Variants in FUT8 observed in about 807,000 individuals in gnomAD.
FUT8 encodes alpha-(1,6)-fucosyltransferase.
A neutral mutation model predicts 71.3 loss-of-function variants in FUT8; 29 were observed. That is an observed-to-expected ratio of 0.41 (90% CI 0.30 to 0.55). The LOEUF (loss-of-function observed/expected upper bound fraction) is 0.55. Among genes scored for constraint, FUT8 ranks in the 20% least tolerant of loss-of-function variants. The pLI is 0.34. For synonymous variants in FUT8, 254 were observed against 239.3 expected, an observed-to-expected ratio of 1.06 and a Z score of -0.57; for missense variants, 544 against 702.1, an observed-to-expected ratio of 0.77 and a Z score of 2.55.
At chr14:65,476,637 ATTTTTTTTTTTTTTTTT>A (rs200882761) in intron 2 of FUT8, among the ~76,000 whole-genome samples, 29 of 125,150 alleles carry the variant, frequency 2.3e-4, no homozygotes, top group African/African-American at 7.4e-4. Context: ...AAAGAAGTAG[ATTTTTTTTTTTTTTTTT>A]TTTTTTTTTT....
intron 3 of FUT8, among the ~76,000 whole-genome samples, chr14:65,568,038 G>T (rs965879509): frequency 1.3e-5 from 2 of 151,720 alleles, no homozygotes; most frequent in East Asian, 3.9e-4. Flanking sequence ...GTGGGGAAGG[G>T]TGGTGGCGAG....
At chr14:65,503,464 T>A (rs4502133) in intron 2 of FUT8, among the ~76,000 whole-genome samples, 1 of 152,228 alleles carries the variant, frequency 6.6e-6, no homozygotes, top group Admixed American at 6.5e-5. Flanking sequence ...CTTAAACTTG[T>A]CATTAAAACA....
rs981566663 is a variant in FUT8, at chr14:65,483,499, A to C, written c.-228+27781A>C. Among the ~76,000 whole-genome samples, 18 of 152,152 alleles carry C rather than the reference A, an allele frequency of 1.2e-4. No individual in the cohort carries two copies. The highest frequency in any genetic ancestry group is 3.9e-4 in the African/African-American group (16 of 41,424). The stretch of plus-strand genomic sequence containing the variant: ...AAACAGTATGTAAATATTTGATTGG[A>C]ATTGCATCGAATCTATAGATGAATT... On this transcript the variant is annotated intron_variant, in intron 2 of 10. Coordinates refer to ENST00000673929, the MANE Select transcript of FUT8 (RefSeq NM_001371533.1). This position sits in a 1 kb window ranked among gnomAD's most constrained non-coding sequence, Gnocchi z 4.4.
At chr14:65,528,320 G>C (rs1362682644) in intron 2 of FUT8, among the ~76,000 whole-genome samples, 1 of 152,210 alleles carries the variant, frequency 6.6e-6, no homozygotes, top group African/African-American at 2.4e-5. Context: ...CAATGAGCAA[G>C]GCTCCGTGGA....
intron 2 of FUT8, among the ~76,000 whole-genome samples, chr14:65,487,577 A>C (rs975760244): frequency 5.9e-5 from 9 of 151,928 alleles, no homozygotes; most frequent in Non-Finnish European, 1.0e-4. Context: ...AAAAAAAAAA[A>C]AAAAAAAACT....
intron 2 of FUT8, among the ~76,000 whole-genome samples, chr14:65,468,691 T>G (rs1313217281): frequency 6.6e-6 from 1 of 152,188 alleles, no homozygotes; most frequent in Non-Finnish European, 1.5e-5. Context: ...TTCTCTGAAC[T>G]TCCAGGTTTG....
Position 65,457,768 on chromosome 14 carries a change from G to C in FUT8, c.-228+2050G>C, listed in dbSNP as rs998621647. 3 of 152,314 alleles carry C rather than the reference G, an allele frequency of 2.0e-5. No individual in the cohort carries two copies. The South Asian group carries it at 6.2e-4, about 32-fold the overall frequency. The allele number at this position is 152,314 out of a possible 1,614,324, so 9.4% of individuals were successfully genotyped here. On this transcript the variant is annotated intron_variant, in intron 2 of 10. Coordinates refer to ENST00000673929, the MANE Select transcript of FUT8 (RefSeq NM_001371533.1). ...GTGCCTGAAATCTATGTGTAACATC[G>C]GGTTCTAAGTCATGAGTTGATTTTT...
In FUT8 at chr14:65,660,455, A is replaced by G. The variant is rs1214486528; in HGVS notation, c.598-8788A>G. ...ATAAGCTTTCCTCTTCTATGACCAT[A>G]TAGTAACTATCTGCCTTTGCTGCAG... On this transcript the variant is annotated intron_variant, in intron 6 of 10. Coordinates refer to ENST00000673929, the MANE Select transcript of FUT8 (RefSeq NM_001371533.1). This position sits in a 1 kb window ranked among gnomAD's most constrained non-coding sequence, Gnocchi z 4.1. Among the ~76,000 whole-genome samples the G allele has an allele frequency of 6.6e-6, 1 of 152,196 alleles. No individual in the cohort carries two copies. The highest frequency in any genetic ancestry group is 2.4e-5 in the African/African-American group (1 of 41,458).
chr14:65,694,363 C>T (rs868342558), intron 7 of FUT8, among the ~76,000 whole-genome samples: 7 of 152,084 alleles, frequency 4.6e-5, no homozygotes, highest in African/African-American at 1.7e-4. Context: ...GTTTTATTTT[C>T]ATTTAGTTTA....
rs1888639124 is a variant in FUT8, at chr14:65,607,343, C to G, written c.204-8635C>G. 6.6e-6 allele frequency among the ~76,000 whole-genome samples: 1 copy of G among 151,746 alleles called. No homozygotes were observed. Among genetic ancestry groups the G allele is most frequent in the East Asian group, 1.9e-4 (1 of 5,188 alleles). The stretch of plus-strand genomic sequence containing the variant: ...TATTTATTATGAATTTCTAATATTC[C>G]TTACTGAATTAAAGAGTTTACCTTC... On this transcript the variant is annotated intron_variant, in intron 3 of 10. Transcript: ENST00000673929. This position sits in a 1 kb window ranked among gnomAD's most constrained non-coding sequence, Gnocchi z 4.1.
chr14:65,554,465 ATC>A (rs1377317537), intron 2 of FUT8, among the ~76,000 whole-genome samples: 1 of 148,110 alleles, frequency 6.8e-6, no homozygotes, highest in African/African-American at 2.5e-5. Flanking sequence ...ATAGATCTAT[ATC>A]TCATGGTTTT....
At chr14:65,454,502 A>G (rs2065870885) in intron 1 of FUT8, among the ~76,000 whole-genome samples, 1 of 152,212 alleles carries the variant, frequency 6.6e-6, no homozygotes, top group Non-Finnish European at 1.5e-5. Context: ...ATCTTAAAAA[A>G]AAAGAAAATA....
chr14:65,601,715 G>T (rs1344617708), intron 3 of FUT8, among the ~76,000 whole-genome samples: 1 of 152,098 alleles, frequency 6.6e-6, no homozygotes, highest in African/African-American at 2.4e-5. Flanking sequence ...TATTCTAATA[G>T]TGTATTACTA....
intron 2 of FUT8, among the ~76,000 whole-genome samples, chr14:65,463,209 A>G (rs2065993131): frequency 1.3e-5 from 2 of 152,224 alleles, no homozygotes; most frequent in South Asian, 2.1e-4. Context: ...TACCTCTATC[A>G]TATTTCTATT....
intron 6 of FUT8, among the ~76,000 whole-genome samples, chr14:65,630,598 G>A (rs543641123): frequency 9.9e-5 from 15 of 152,132 alleles, no homozygotes; most frequent in Admixed American, 2.0e-4. Flanking sequence ...AAGATAAGAG[G>A]ACCATAGTGC....
At chr14:65,477,906 A>G (rs2066271781) in intron 2 of FUT8, among the ~76,000 whole-genome samples, 1 of 151,634 alleles carries the variant, frequency 6.6e-6, no homozygotes, top group African/African-American at 2.4e-5. Context: ...TGTAAAAAGC[A>G]TCATGGTTTA....
At chr14:65,568,074 A>G (rs527756716) in intron 3 of FUT8, among the ~76,000 whole-genome samples, 1 of 151,810 alleles carries the variant, frequency 6.6e-6, no homozygotes, top group Admixed American at 6.6e-5. Flanking sequence ...GGAAGATTTT[A>G]GATTCTGGAT....
chr14:65,611,553 C>T (rs1889000456), intron 3 of FUT8, among the ~76,000 whole-genome samples: 1 of 151,848 alleles, frequency 6.6e-6, no homozygotes, highest in Non-Finnish European at 1.5e-5. Context: ...AGGGTAGACG[C>T]TACAATATAT....
chr14:65,357,873 G>T, the FUT8 span, among the ~76,000 whole-genome samples: 1 of 152,312 alleles, frequency 6.6e-6, no homozygotes, highest in African/African-American at 2.4e-5. Flanking sequence ...GCATAAATTT[G>T]CAATTTAATA....
Sources: gnomAD v4.1 joint callset for allele counts (sites outside exome capture counted in the v4.1 genomes callset) on GRCh38, gnomAD v4.1.1 for gene constraint, Gnocchi (gnomAD v3.1) non-coding constraint, MANE v1.5 for transcripts, NCBI Gene and HGNC (gene_info 2026-07-23, HGNC 2026-07-21) for gene names.